Variants in CENPE observed in about 807,000 individuals in gnomAD.
CENPE encodes centromere-associated protein E.
In CENPE, 145 loss-of-function variants were observed where a neutral mutation model predicts 336.1. The observed-to-expected ratio is 0.43, with a 90% CI of 0.38 to 0.50. The LOEUF (loss-of-function observed/expected upper bound fraction) is 0.50, where lower values mean the gene tolerates loss of function less well. Ranked by LOEUF, CENPE falls within the 20% of genes least tolerant of loss-of-function variation. CENPE has a pLI of 0.00. For synonymous variants in CENPE, 1,013 were observed against 984.8 expected (o/e 1.03, Z -0.54); for missense variants, 2,719 against 3,023.3 (o/e 0.90, Z 2.36).
At chr4:103,111,300 T>C (rs1749396181) in intron 46 of CENPE, among the ~76,000 whole-genome samples, 1 of 152,194 alleles carries the variant, frequency 6.6e-6, no homozygotes, top group Non-Finnish European at 1.5e-5. Context: ...TCCTCTCCAC[T>C]TACTGCTGTC....
Position 103,141,747 on chromosome 4 carries a change from T to C in CENPE, c.5463+3A>G, listed in dbSNP as rs373876267. 6.0e-6 allele frequency: 9 copies of C among 1,503,844 alleles called. No homozygotes were observed. In the African/African-American group the frequency reaches 1.3e-4, roughly 21 times the overall value. 93.2% of individuals were successfully genotyped at this position (1,503,844 alleles called of 1,614,324 possible). On this transcript the variant is annotated splice_donor_region_variant and intron_variant, in intron 35 of 48. Transcript: ENST00000265148. ...CAATCAAACAATCCCCCCATAAAAA[T>C]ACCTTTTCTTGTAATTTAGCATTTG...
intron 8 of CENPE, among the ~76,000 whole-genome samples, chr4:103,191,764 T>C (rs1453506128): frequency 1.3e-5 from 2 of 151,806 alleles, no homozygotes; most frequent in African/African-American, 2.4e-5. Flanking sequence ...GTGCATGTTG[T>C]GCACATGTAC....
chr4:103,157,413 A>T (rs922019922), intron 24 of CENPE, among the ~76,000 whole-genome samples: 3 of 152,076 alleles, frequency 2.0e-5, no homozygotes, highest in Non-Finnish European at 2.9e-5. Context: ...ACTCATAAAA[A>T]GGAAGGAAAT....
chr4:103,168,783 TGTCCAGTA>T (rs1440344260), intron 16 of CENPE, among the ~76,000 whole-genome samples: 1 of 152,134 alleles, frequency 6.6e-6, no homozygotes, highest in African/African-American at 2.4e-5. Flanking sequence ...AAGAGAAAGG[TGTCCAGTA>T]GTGCCTCTGC....
chr4:103,189,183 T>A (rs932974763), intron 8 of CENPE, among the ~76,000 whole-genome samples: 8 of 152,074 alleles, frequency 5.3e-5, no homozygotes, highest in Non-Finnish European at 1.2e-4. Context: ...CAGGACCAGA[T>A]GGATTCACAG....
At chr4:103,107,558 A>G (rs190797983) in intron 48 of CENPE, among the ~76,000 whole-genome samples, 1 of 152,336 alleles carries the variant, frequency 6.6e-6, no homozygotes, top group East Asian at 1.9e-4. Flanking sequence ...GGCTGTGCAC[A>G]GTAGATGCTA....
intron 13 of CENPE, among the ~76,000 whole-genome samples, chr4:103,177,357 T>G (rs942777036): frequency 6.6e-6 from 1 of 152,084 alleles, no homozygotes; most frequent in South Asian, 2.1e-4. Flanking sequence ...CCACTCACTC[T>G]GCTTTGCTAG....
chr4:103,120,811 C>G (rs1750561261), intron 43 of CENPE, among the ~76,000 whole-genome samples: 1 of 152,014 alleles, frequency 6.6e-6, no homozygotes, highest in Non-Finnish European at 1.5e-5. Flanking sequence ...TCTCGACTCA[C>G]TGCAACCTCC....
Position 103,140,405 on chromosome 4 carries a change from T to C in CENPE, c.5764A>G (p.Ile1922Val), listed in dbSNP as rs140166382. ...CGAGCAGTTTTTAGTTCCTGTTGTA[T>C]TTCCAGATCCTTTATGGTTAGAAGA... ...LQETKARDLE[I>V]QQELKTARML... The change falls in exon 37 of 49, where the codon ATA becomes GTA. Residue 1922 changes from isoleucine to valine, a missense_variant. Ile to Val is a conservative substitution (Grantham distance 29). Around this residue, in one of 5 missense-constraint regions of CENPE, gnomAD observed 2,437 missense variants for 2,513.3 expected, o/e 0.97. Coordinates refer to ENST00000265148, the MANE Select transcript of CENPE (RefSeq NM_001813.3). 1.3e-6 allele frequency: 2 copies of C among 1,586,616 alleles called. No homozygotes were observed. Among genetic ancestry groups the C allele is most frequent in the Non-Finnish European group, 1.7e-6 (2 of 1,168,318 alleles).
intron 13 of CENPE, among the ~76,000 whole-genome samples, chr4:103,177,396 G>A (rs1475394374): frequency 6.6e-6 from 1 of 151,844 alleles, no homozygotes. Flanking sequence ...CCTCTTAAGT[G>A]TGTTTCTCCA....
chr4:103,196,545 A>G (rs576347328), intron 2 of CENPE, among the ~76,000 whole-genome samples: 2 of 152,364 alleles, frequency 1.3e-5, no homozygotes, highest in Non-Finnish European at 2.9e-5. Context: ...ATCTACCTAG[A>G]TGCAAATTAG....
At chr4:103,149,496 G>C in intron 26 of CENPE, 88 bp from the exon 27 acceptor site, 1 of 1,113,248 alleles carries the variant, frequency 9.0e-7, no homozygotes, top group Non-Finnish European at 1.2e-6. Flanking sequence ...CCTCCTATCA[G>C]CATATAAATA....
Position 103,181,404 on chromosome 4 carries a change from G to T in CENPE, c.1016C>A (p.Ser339Ter). The T allele has an allele frequency of 6.4e-7, 1 of 1,566,474 alleles. No individual in the cohort carries two copies. Among genetic ancestry groups the T allele is most frequent in the South Asian group, 1.2e-5 (1 of 85,158 alleles). Reference protein sequence around the residue: ...MKNTPYVNEVSTDEALLKRYR... With the variant: ...MKNTPYVNEV ...CCTTTTCAGGAGAGCTTCATCAGTT[G>T]ATACCTCATTAACATAAGGAGTATT... The change falls in exon 12 of 49, where the codon TCA (serine) becomes TAA (stop). Residue 339 changes from serine (S) to a stop codon, truncating the protein, a stop_gained. Coordinates refer to ENST00000265148, the MANE Select transcript of CENPE (RefSeq NM_001813.3). LOFTEE classifies it high-confidence loss of function.
chr4:103,176,060 GA>G lies in CENPE; in HGVS notation c.1391-13del, dbSNP rs571296252. 8.8e-4 allele frequency: 1,261 copies of G among 1,433,884 alleles called. No homozygotes were observed. The highest frequency in any genetic ancestry group is 1.8e-3 in the East Asian group (70 of 39,824). 88.8% of individuals were successfully genotyped at this position (1,433,884 alleles called of 1,614,324 possible). On this transcript the variant is annotated splice_polypyrimidine_tract_variant and intron_variant, in intron 14 of 48. Transcript: ENST00000265148. ...CTCTGAACAGACAGCTATAATTAGA[GA>G]AAAAAAAAATTTGTCCATGAACATG...
chr4:103,184,960 A>G (rs1489845451), intron 9 of CENPE, among the ~76,000 whole-genome samples: 1 of 152,158 alleles, frequency 6.6e-6, no homozygotes, highest in Non-Finnish European at 1.5e-5. Flanking sequence ...CCATTTAAGT[A>G]TGCTTCTCCA....
intron 11 of CENPE, 82 bp downstream of exon 11, chr4:103,182,680 C>A: frequency 1.7e-6 from 2 of 1,180,944 alleles, no homozygotes; most frequent in South Asian, 1.9e-5. Context: ...TTAAAAAAAA[C>A]TATGCTTAAT....
At position 103,131,205 on chromosome 4, in the gene CENPE, C is replaced by A. The variant is rs142160405; in HGVS notation, c.6924+1488G>T. On this transcript the variant is annotated intron_variant, in intron 42 of 48. Coordinates refer to ENST00000265148, the MANE Select transcript of CENPE (RefSeq NM_001813.3). ...TTCCAAGACACATCTGATAAAAGAC[C>A]AATATTCAAAGTATACAAACAATTC... Among the ~76,000 whole-genome samples, 1,429 of 152,036 alleles carry A rather than the reference C, an allele frequency of 9.4e-3. 17 individuals carry two copies. The highest frequency in any genetic ancestry group is 0.01 in the Non-Finnish European group (694 of 67,948).
Position 103,145,654 on chromosome 4 carries a change from C to T in CENPE, c.4441G>A (p.Val1481Ile). Residue 1481 changes from valine to isoleucine, a missense_variant, in exon 31 of 49, where the codon GTT becomes ATT. Val to Ile is a conservative substitution (Grantham distance 29). Transcript: ENST00000265148. ...TGTTCTTTCAGGCAACAATGAGCAACTTTAAGTTCCTCTTCAGTTTCCAGG... is the reference window on the plus strand; with the variant it reads ...TGTTCTTTCAGGCAACAATGAGCAATTTTAAGTTCCTCTTCAGTTTCCAGG... ...KHLETEEELK[V>I]AHCCLKEQEE... The T allele has an allele frequency of 6.2e-7, 1 of 1,600,644 alleles. No homozygotes were observed.
chr4:103,137,363 A>G (rs1752157805), intron 39 of CENPE, among the ~76,000 whole-genome samples: 1 of 152,214 alleles, frequency 6.6e-6, no homozygotes, highest in Non-Finnish European at 1.5e-5. Flanking sequence ...GTAGAGAAAC[A>G]TGTAAAATTC....
Sources: gnomAD v4.1 joint callset for allele counts (sites outside exome capture counted in the v4.1 genomes callset) on GRCh38, gnomAD v4.1.1 for gene constraint, gnomAD v4.1.1 regional missense constraint, MANE v1.5 for transcripts, NCBI Gene and HGNC (gene_info 2026-07-23, HGNC 2026-07-21) for gene names.